The following PI4KA variants were observed in gnomAD, a reference collection of about 807,000 sequenced individuals.
PI4KA encodes phosphatidylinositol 4-kinase alpha.
PI4KA carries 122 observed loss-of-function variants against 271.4 expected under a neutral mutation model. The ratio of observed to expected loss-of-function variants is 0.45; its 90% confidence interval spans 0.39 to 0.52. The LOEUF is 0.52. PI4KA is among the 20% of genes least tolerant of loss of function. PI4KA has a pLI of 0.00. For synonymous variants in PI4KA, 1,041 were observed against 1,078.8 expected (o/e 0.96, Z 0.69); for missense variants, 1,969 against 2,769.1 (o/e 0.71, Z 6.48).
chr22:20,804,518 G>A, intron 11 of PI4KA, 118 bp from the exon 12 acceptor site: 1 of 727,374 alleles, frequency 1.4e-6, no homozygotes, highest in Non-Finnish European at 2.4e-6. Context: ...TTTAGGCAGG[G>A]CTTATTCATA....
intron 4 of PI4KA, among the ~76,000 whole-genome samples, chr22:20,823,315 T>C (rs1421852289): frequency 1.3e-5 from 2 of 152,318 alleles, no homozygotes; most frequent in East Asian, 1.9e-4. Flanking sequence ...AATGTCCAAC[T>C]TTTTAATAAA....
At chr22:20,795,125 TTTTC>T (rs1934902532) in intron 18 of PI4KA, among the ~76,000 whole-genome samples, 2 of 152,100 alleles carry the variant, frequency 1.3e-5, no homozygotes. Context: ...ACATTGGGGT[TTTTC>T]TTTAAATAAT....
rs370325445 is a variant in PI4KA, at chr22:20,764,970, C to T, written c.2575-20G>A. Reference sequence around the variant, plus strand: ...CTCAGCCTGGAGGGAGAGAAACATCCGAGGGCTCATGGGGCATCCCCCAGG... The same window carrying T: ...CTCAGCCTGGAGGGAGAGAAACATCTGAGGGCTCATGGGGCATCCCCCAGG... On this transcript the variant is annotated intron_variant, in intron 21 of 54. Coordinates refer to ENST00000255882, the MANE Select transcript of PI4KA (RefSeq NM_058004.4). 1.6e-5 allele frequency: 26 copies of T among 1,596,496 alleles called. No individual in the cohort carries two copies. The highest frequency in any genetic ancestry group is 4.0e-5 in the African/African-American group (3 of 74,758).
chr22:20,773,354 C>T (rs1160285458), intron 19 of PI4KA, among the ~76,000 whole-genome samples: 5 of 152,162 alleles, frequency 3.3e-5, no homozygotes, highest in Non-Finnish European at 5.9e-5. Flanking sequence ...CCACTGCACT[C>T]CAGCATGGGC....
At chr22:20,845,843 C>A (rs768436095) in intron 1 of PI4KA, among the ~76,000 whole-genome samples, 37 of 152,184 alleles carry the variant, frequency 2.4e-4, no homozygotes, top group Non-Finnish European at 4.7e-4. Context: ...CCAGCCTGGG[C>A]AACAGAGCAG....
At chr22:20,733,866 G>C (rs769358705) in intron 34 of PI4KA, 23 bp from the exon 35 acceptor site, 1 of 1,612,066 alleles carries the variant, frequency 6.2e-7, no homozygotes, top group South Asian at 1.1e-5. Flanking sequence ...CCCGGACCCA[G>C]TTAGAGCAGG....
intron 19 of PI4KA, among the ~76,000 whole-genome samples, chr22:20,770,432 G>C (rs1371915626): frequency 6.8e-6 from 1 of 146,312 alleles, no homozygotes; most frequent in Non-Finnish European, 1.5e-5. Flanking sequence ...AGAATCGCTT[G>C]AACCCAGGAG....
chr22:20,726,640 G>C, intron 41 of PI4KA, 99 bp from the exon 42 acceptor site: 1 of 1,078,920 alleles, frequency 9.3e-7, no homozygotes, highest in Non-Finnish European at 1.3e-6. Flanking sequence ...CCCACAGCAG[G>C]GCTGAGAACT....
At chr22:20,726,413 G>C (rs1301813705) in intron 42 of PI4KA, 75 bp downstream of exon 42, 2 of 1,338,026 alleles carry the variant, frequency 1.5e-6, no homozygotes, top group East Asian at 6.0e-5. Flanking sequence ...GTGAGGGCTG[G>C]GGACAGACCG....
chr22:20,855,656 A>G (rs548145080), intron 1 of PI4KA, among the ~76,000 whole-genome samples: 3 of 152,322 alleles, frequency 2.0e-5, no homozygotes, highest in African/African-American at 7.2e-5. Context: ...ATATACATCA[A>G]GCTTGCTCCT....
chr22:20,747,461 C>T (rs1930240053), intron 29 of PI4KA, 122 bp downstream of exon 29: 2 of 1,022,396 alleles, frequency 2.0e-6, no homozygotes, highest in South Asian at 3.5e-5. Flanking sequence ...CAACAGACAT[C>T]CACAGCACCC....
intron 30 of PI4KA, 159 bp from the exon 31 acceptor site, chr22:20,742,923 C>T (rs1488648419): frequency 1.6e-6 from 1 of 637,054 alleles, no homozygotes; most frequent in Non-Finnish European, 2.8e-6. Context: ...TTCAATGATG[C>T]TACCACTGAT....
rs1921355341 is a variant in PI4KA, at chr22:20,813,575, C to A, written c.857-69G>T. ...ACTAGGGTACTTCCTCAAGCTGACT[C>A]CCCCAATAACCAACAAAGGTGCAGA... On this transcript the variant is annotated intron_variant, in intron 7 of 54. Coordinates refer to ENST00000255882, the MANE Select transcript of PI4KA (RefSeq NM_058004.4). 5 of 1,391,260 alleles carry A rather than the reference C, an allele frequency of 3.6e-6. No individual in the cohort carries two copies. The African/African-American group carries it at 5.8e-5, about 16-fold the overall frequency. The allele number at this position is 1,391,260 out of a possible 1,614,324, so 86.2% of individuals were successfully genotyped here. A position where few individuals can be genotyped will look rare whatever the true frequency, so the allele number is the denominator to read the frequency against.
intron 1 of PI4KA, among the ~76,000 whole-genome samples, chr22:20,839,121 G>A (rs1274841234): frequency 1.3e-5 from 2 of 152,170 alleles, no homozygotes; most frequent in East Asian, 3.9e-4. Context: ...GGAGGCTGAG[G>A]CAGAAGTATC....
At chr22:20,792,260 G>A (rs1934689973) in intron 19 of PI4KA, among the ~76,000 whole-genome samples, 1 of 152,170 alleles carries the variant, frequency 6.6e-6, no homozygotes, top group African/African-American at 2.4e-5. Context: ...GAAGTCCCCA[G>A]GTTGGGAATA....
chr22:20,743,584 G>A (rs558840443), intron 30 of PI4KA, among the ~76,000 whole-genome samples: 2 of 152,316 alleles, frequency 1.3e-5, no homozygotes, highest in African/African-American at 4.8e-5. Context: ...GCCTCCCAAA[G>A]TGCTGGGATT....
At chr22:20,745,534 T>A (rs1158469121) in intron 29 of PI4KA, among the ~76,000 whole-genome samples, 1 of 152,100 alleles carries the variant, frequency 6.6e-6, no homozygotes, top group Non-Finnish European at 1.5e-5. Context: ...AAAATACAGA[T>A]GTTGGGGAAC....
intron 52 of PI4KA, 159 bp downstream of exon 52, chr22:20,710,540 G>T (rs1041823643): frequency 4.5e-6 from 3 of 672,098 alleles, no homozygotes; most frequent in Non-Finnish European, 7.8e-6. Context: ...TACTGGCACA[G>T]GTGGGCAGAC....
intron 32 of PI4KA, 131 bp downstream of exon 32, chr22:20,742,097 G>A: frequency 1.2e-6 from 1 of 868,570 alleles, no homozygotes; most frequent in Non-Finnish European, 1.8e-6. Flanking sequence ...GAATCTGTAA[G>A]GAGACTGAGG....
Sources: allele counts gnomAD v4.1 joint callset (sites outside exome capture counted in the v4.1 genomes callset), GRCh38; gene constraint gnomAD v4.1.1; transcripts MANE v1.5; gene names NCBI Gene and HGNC (gene_info 2026-07-23, HGNC 2026-07-21).